CCSER1: variants seen among roughly 807,000 people sequenced by gnomAD.
CCSER1 encodes the protein serine-rich coiled-coil domain-containing protein 1.
Under a neutral mutation model 82.0 loss-of-function variants are expected in CCSER1, and 41 were observed. That is an observed-to-expected ratio of 0.50 (90% CI 0.39 to 0.65). The LOEUF is 0.65. Ranked by LOEUF, CCSER1 falls within the 30% of genes least tolerant of loss-of-function variation. CCSER1 has a pLI of 0.00. For synonymous variants in CCSER1, 414 were observed against 383.9 expected (o/e 1.08, Z -0.92); for missense variants, 1,119 against 1,064.2 (o/e 1.05, Z -0.72).
Position 90,499,675 on chromosome 4 carries a change from A to C in CCSER1, c.1724+31321A>C, listed in dbSNP as rs545526353. Among the ~76,000 whole-genome samples the C allele has an allele frequency of 2.6e-5, 4 of 152,246 alleles. No homozygotes were observed. The South Asian group carries it at 8.3e-4, about 32-fold the overall frequency. The stretch of plus-strand genomic sequence containing the variant: ...ACCCTGGTTCATAACAATCTAACCA[A>C]AATGGTATCATAACTCCAGGAGCAG... On this transcript the variant is annotated intron_variant, in intron 5 of 10. Transcript: ENST00000509176.
At chr4:91,176,504 C>T (rs1185246992) in intron 10 of CCSER1, among the ~76,000 whole-genome samples, 1 of 152,102 alleles carries the variant, frequency 6.6e-6, no homozygotes, top group East Asian at 1.9e-4. Flanking sequence ...TTTCATTGAG[C>T]AGTGGTTTGT....
chr4:90,906,636 A>G (rs972554154), intron 8 of CCSER1, among the ~76,000 whole-genome samples: 1 of 152,164 alleles, frequency 6.6e-6, no homozygotes, highest in Non-Finnish European at 1.5e-5. Context: ...TTTTTAAACC[A>G]TAGTGATTAA....
At chr4:90,649,823 G>A (rs1351764708) in intron 6 of CCSER1, among the ~76,000 whole-genome samples, 1 of 152,112 alleles carries the variant, frequency 6.6e-6, no homozygotes, top group Non-Finnish European at 1.5e-5. Context: ...AAAGGGTCAA[G>A]GGGCTGGGTG....
intron 10 of CCSER1, among the ~76,000 whole-genome samples, chr4:91,113,689 TAA>T (rs1280386871): frequency 2.0e-5 from 3 of 152,176 alleles, no homozygotes; most frequent in South Asian, 2.1e-4. Context: ...CCCTTTGAGT[TAA>T]GAGTCAGTGA....
chr4:91,078,683 A>C (rs370704128), intron 9 of CCSER1, among the ~76,000 whole-genome samples: 2 of 152,326 alleles, frequency 1.3e-5, no homozygotes, highest in African/African-American at 4.8e-5. Context: ...AAAACCTTGA[A>C]AACAGAGTAA....
chr4:90,587,838 G>C (rs1226884644), intron 5 of CCSER1, among the ~76,000 whole-genome samples: 2 of 152,038 alleles, frequency 1.3e-5, no homozygotes, highest in Non-Finnish European at 2.9e-5. Context: ...TAATAAACTG[G>C]AAAAAATCAA....
At chr4:91,221,252 A>G (rs1737718439) in intron 10 of CCSER1, among the ~76,000 whole-genome samples, 1 of 152,152 alleles carries the variant, frequency 6.6e-6, no homozygotes, top group African/African-American at 2.4e-5. Flanking sequence ...CTCACTATCC[A>G]CAAAATGCAG....
At chr4:90,272,893 C>T (rs1394288702) in intron 1 of CCSER1, among the ~76,000 whole-genome samples, 4 of 152,142 alleles carry the variant, frequency 2.6e-5, no homozygotes, top group Admixed American at 1.3e-4. Flanking sequence ...ATCCCAGCTA[C>T]TCGGGAGGCT....
chr4:90,873,512 C>A (rs1766825955), intron 8 of CCSER1, among the ~76,000 whole-genome samples: 1 of 152,002 alleles, frequency 6.6e-6, no homozygotes, highest in South Asian at 2.1e-4. Context: ...AAACCAAAAT[C>A]TTTACAATGG....
intron 9 of CCSER1, among the ~76,000 whole-genome samples, chr4:91,021,401 A>G (rs1739951795): frequency 6.6e-6 from 1 of 152,184 alleles, no homozygotes; most frequent in African/African-American, 2.4e-5. Flanking sequence ...ACTTTAGATG[A>G]TTTATTTAAA....
chr4:90,939,161 T>C (rs1265607155), intron 9 of CCSER1, among the ~76,000 whole-genome samples: 2 of 152,178 alleles, frequency 1.3e-5, no homozygotes, highest in Non-Finnish European at 2.9e-5. Context: ...TCCATCTTAG[T>C]AGGACATTTC....
chr4:90,538,709 G>C (rs960431225), intron 5 of CCSER1, among the ~76,000 whole-genome samples: 1 of 151,928 alleles, frequency 6.6e-6, no homozygotes, highest in African/African-American at 2.4e-5. Context: ...TGGATTATTT[G>C]CTTGTTCTGT....
intron 10 of CCSER1, among the ~76,000 whole-genome samples, chr4:91,273,179 G>T (rs1318512808): frequency 6.6e-6 from 1 of 151,856 alleles, no homozygotes; most frequent in Non-Finnish European, 1.5e-5. Flanking sequence ...TTTGTAGATT[G>T]CTTTTGACAG....
chr4:91,216,707 A>C (rs553583076), intron 10 of CCSER1, among the ~76,000 whole-genome samples: 1 of 152,208 alleles, frequency 6.6e-6, no homozygotes, highest in Non-Finnish European at 1.5e-5. Flanking sequence ...TTCCTATATT[A>C]TTTTACCCTG....
At chr4:90,490,163 C>T (rs2153604104) in intron 5 of CCSER1, among the ~76,000 whole-genome samples, 1 of 152,292 alleles carries the variant, frequency 6.6e-6, no homozygotes, top group African/African-American at 2.4e-5. Flanking sequence ...TCCTATTTCT[C>T]CACATCCTCT....
At chr4:91,565,925 T>C (rs76223942) in intron 10 of CCSER1, among the ~76,000 whole-genome samples, 10,523 of 152,140 alleles carry the variant, frequency 0.069, 401 homozygotes, top group Middle Eastern at 0.099. Flanking sequence ...TCCAATACTA[T>C]GTTGAATAGG....
At position 91,511,104 on chromosome 4, in the gene CCSER1, A is replaced by AT. The variant is rs148372661; in HGVS notation, c.2218-87458dup. Among the ~76,000 whole-genome samples, 62 of 150,112 alleles carry AT rather than the reference A, an allele frequency of 4.1e-4. 2 individuals are homozygous for AT. Among genetic ancestry groups the AT allele is most frequent in the Middle Eastern group, 6.8e-3 (2 of 292 alleles). On this transcript the variant is annotated intron_variant, in intron 10 of 10. Coordinates refer to ENST00000509176, the MANE Select transcript of CCSER1 (RefSeq NM_001145065.2). ...ATAGGGAGCCTTTCCACTTTGCTTA[A>AT]TTTTTTTTTTATTTTGTTGAAGCGC... is the stretch of plus-strand genomic sequence containing the variant.
At position 90,723,840 on chromosome 4, in the gene CCSER1, AT is replaced by A. The variant is rs142723925; in HGVS notation, c.1933-69del. On this transcript the variant is annotated intron_variant, in intron 6 of 10. Transcript: ENST00000509176. ...ATTTGTTTATTTTAATGATTTATTT[AT>A]TTTTCTAAATTATGAATAGTCAAAA... 2.5e-3 allele frequency: 1,531 copies of A among 618,022 alleles called. 20 individuals are homozygous for A. The African/African-American group carries it at 0.027, about 11-fold the overall frequency. The allele number at this position is 618,022 out of a possible 1,614,324, so 38.3% of individuals were successfully genotyped here.
In CCSER1 at chr4:90,628,052, C is replaced by T. The variant is rs559086817; in HGVS notation, c.1752C>T (p.Asp584=). 28 of 1,612,944 alleles carry T rather than the reference C, an allele frequency of 1.7e-5. No homozygotes were observed. The East Asian group carries it at 2.0e-4, about 12-fold the overall frequency. Residue 584 remains aspartate, a synonymous_variant, in exon 6 of 11, where the codon GAC becomes GAT. Coordinates refer to ENST00000509176, the MANE Select transcript of CCSER1 (RefSeq NM_001145065.2). ...ATCTTTCCCTGAAATTAACAAAGGACGTTGATCAAGAAGCCAGGTGTTCCC... is the reference window on the plus strand; with the variant it reads ...ATCTTTCCCTGAAATTAACAAAGGATGTTGATCAAGAAGCCAGGTGTTCCC... ...KQNLSLKLTK[D]VDQEARCSHI...
Sources: allele counts gnomAD v4.1 joint callset (sites outside exome capture counted in the v4.1 genomes callset), GRCh38; gene constraint gnomAD v4.1.1; transcripts MANE v1.5; gene names NCBI Gene and HGNC (gene_info 2026-07-23, HGNC 2026-07-21).